Variants in VWA5B1 observed in about 807,000 individuals in gnomAD.
The protein encoded by VWA5B1 is von Willebrand factor A domain containing 5B1, also known as von Willebrand factor A domain-containing protein 5B1.
VWA5B1 carries 115 observed loss-of-function variants against 118.2 expected under a neutral mutation model. That is an observed-to-expected ratio of 0.97 (90% CI 0.84 to 1.14). VWA5B1 has a LOEUF of 1.14. Ranked by LOEUF, VWA5B1 falls within the 50% of genes most tolerant of loss-of-function variation. The pLI, the probability that VWA5B1 is intolerant of heterozygous loss-of-function variation, is 0.00. For synonymous variants in VWA5B1, 682 were observed against 658.4 expected (o/e 1.04, Z -0.55); for missense variants, 1,596 against 1,603.8 (o/e 1.00, Z 0.08).
At chr1:20,318,327 G>T in intron 5 of VWA5B1, 2 of 523,730 alleles carry the variant, frequency 3.8e-6, no homozygotes, top group Non-Finnish European at 6.9e-6. Context: ...ATCAGTGCGT[G>T]CCCTATAAGA....
At chr1:20,300,667 A>AGTTCAGACGGTCTCTATTTCCTGAGCG (rs2088486715) in intron 1 of VWA5B1, among the ~76,000 whole-genome samples, 1 of 152,254 alleles carries the variant, frequency 6.6e-6, no homozygotes, top group African/African-American at 2.4e-5. Context: ...CCTGAGGGTT[A>AGTTCAGACGGTCTCTATTTCCTGAGCG]CTAGAACTAA....
rs60497976 is a variant in VWA5B1, at chr1:20,297,996, A to ATTTTTTTTTTTTTT, written c.-27+6917_-27+6930dup. Among the ~76,000 whole-genome samples the ATTTTTTTTTTTTTT allele has an allele frequency of 8.8e-4, 111 of 126,638 alleles. 1 individual carries two copies. Among genetic ancestry groups the ATTTTTTTTTTTTTT allele is most frequent in the East Asian group, 3.1e-3 (12 of 3,864 alleles). 83.1% of individuals were successfully genotyped at this position (126,638 alleles called of 152,430 possible). A position where few individuals can be genotyped will look rare whatever the true frequency, so the allele number is the denominator to read the frequency against. On this transcript the variant is annotated intron_variant, in intron 1 of 21. Transcript: ENST00000289815. ...GATTACTTTCATGACTCGGTGGTGG[A>ATTTTTTTTTTTTTT]TTTTTTTTTTTTTTTTTTTTTTGTT...
rs1428225242 is a variant in VWA5B1, at chr1:20,356,337, ACT to A, written c.*2079_*2080del. Reference sequence around the variant, plus strand: ...CTTTCTCCTGCTCTGACAGTCCCAGACTCTCTGCCTCTGAGATGTTTCCCTCT... The same window carrying A: ...CTTTCTCCTGCTCTGACAGTCCCAGACTCTGCCTCTGAGATGTTTCCCTCT... On this transcript the variant is annotated 3_prime_UTR_variant, in exon 22 of 22. Transcript: ENST00000289815. Among the ~76,000 whole-genome samples the A allele has an allele frequency of 1.3e-5, 2 of 151,912 alleles. No homozygotes were observed. Among genetic ancestry groups the A allele is most frequent in the South Asian group, 2.1e-4 (1 of 4,798 alleles).
Position 20,346,555 on chromosome 1 carries a change from G to A in VWA5B1, c.2764+962G>A, listed in dbSNP as rs147174213. 6.5e-3 allele frequency among the ~76,000 whole-genome samples: 989 copies of A among 152,286 alleles called. 3 individuals carry two copies. The highest frequency in any genetic ancestry group is 0.01 in the Middle Eastern group (3 of 294). ...AGAAGTAGGATTGCAATGTCAAGGGGATGCCCATTTAAAATTGTGATGTAT... is the reference window on the plus strand; with the variant it reads ...AGAAGTAGGATTGCAATGTCAAGGGAATGCCCATTTAAAATTGTGATGTAT... On this transcript the variant is annotated intron_variant, in intron 17 of 21. Transcript: ENST00000289815.
rs186598536 is a variant in VWA5B1, at chr1:20,337,766, G to C, written c.2063G>C (p.Arg688Pro). ...CCAGCTGCCAAGAGATACCCACTGC[G>C]GAAAGCCAGGCTGCAGGACCTCACC... ...PMPAAKRYPLRKARLQDLTNQ... is the reference protein window; with the variant it reads ...PMPAAKRYPLPKARLQDLTNQ... The change falls in exon 14 of 22, where the codon CGG (arginine) becomes CCG (proline). Residue 688 changes from arginine (R) to proline (P), a missense_variant. Physicochemically the swap from Arg to Pro is moderately radical, Grantham distance 103. Transcript: ENST00000289815. 4 of 1,551,790 alleles carry C rather than the reference G, an allele frequency of 2.6e-6. No homozygotes were observed. In the Admixed American group the frequency reaches 5.9e-5, roughly 23 times the overall value.
In VWA5B1 at chr1:20,310,598, C is replaced by T. The variant is rs140153632; in HGVS notation, c.-4C>T. The T allele has an allele frequency of 5.7e-5, 87 of 1,529,810 alleles. No individual in the cohort carries two copies. Among genetic ancestry groups the T allele is most frequent in the Middle Eastern group, 5.1e-4 (3 of 5,884 alleles). 94.8% of individuals were successfully genotyped at this position (1,529,810 alleles called of 1,614,324 possible). Reference sequence around the variant, plus strand: ...CAGGTTCTGAAGGCTGAGTAGCCAGCGGGATGCCCGGCTTGCTGAATTGGA... The same window carrying T: ...CAGGTTCTGAAGGCTGAGTAGCCAGTGGGATGCCCGGCTTGCTGAATTGGA... On this transcript the variant is annotated 5_prime_UTR_variant, in exon 2 of 22. Transcript: ENST00000289815.
In VWA5B1 at chr1:20,313,671, C is replaced by T. The variant is rs894551461; in HGVS notation, c.293-651C>T. On this transcript the variant is annotated intron_variant, in intron 3 of 21. Transcript: ENST00000289815. ...TAAGAGATTCTTACTACTGGATCTACGATCAAGGTGAAGTTTGTTCACGTG... is the reference window on the plus strand; with the variant it reads ...TAAGAGATTCTTACTACTGGATCTATGATCAAGGTGAAGTTTGTTCACGTG... Among the ~76,000 whole-genome samples the T allele has an allele frequency of 3.8e-4, 58 of 152,350 alleles. 1 individual carries two copies. The highest frequency in any genetic ancestry group is 1.4e-3 in the African/African-American group (57 of 41,582).
Position 20,348,342 on chromosome 1 carries a change from T to C in VWA5B1, c.2862T>C (p.Asp954=). The C allele has an allele frequency of 6.4e-7, 1 of 1,551,602 alleles. No homozygotes were observed. The highest frequency in any genetic ancestry group is 8.7e-7 in the Non-Finnish European group (1 of 1,147,010). The change falls in exon 18 of 22, where the codon GAT becomes GAC. Residue 954 remains aspartate, a synonymous_variant. Transcript: ENST00000289815. The part of the protein sequence containing the change: ...FGRPQTMLGE[D]SAPGNDMEAS... ...GGCCGCAGACGATGCTTGGAGAAGATTCGGCACCAGGAAATGGTAAATTTC... is the reference window on the plus strand; with the variant it reads ...GGCCGCAGACGATGCTTGGAGAAGACTCGGCACCAGGAAATGGTAAATTTC...
chr1:20,335,176 G>A (rs1383788967), intron 12 of VWA5B1, among the ~76,000 whole-genome samples: 4 of 152,158 alleles, frequency 2.6e-5, no homozygotes, highest in Admixed American at 1.3e-4. Context: ...TTAGCCAGAC[G>A]TGGTGGCATA....
chr1:20,310,829 G>T (rs41264521), intron 2 of VWA5B1, 89 bp downstream of exon 2: 689 of 1,416,998 alleles, frequency 4.9e-4, no homozygotes, highest in Non-Finnish European at 6.1e-4. Context: ...CTGACCTTAG[G>T]CAAGTCATGC....
intron 6 of VWA5B1, among the ~76,000 whole-genome samples, 170 bp from the exon 7 acceptor site, chr1:20,319,212 C>CA: frequency 6.6e-6 from 1 of 152,270 alleles, no homozygotes; most frequent in East Asian, 1.9e-4. Context: ...CCCTGCCTCC[C>CA]AGCTAAGGAG....
Position 20,336,437 on chromosome 1 carries a change from G to T in VWA5B1, c.1893G>T (p.Gly631=). The T allele has an allele frequency of 6.7e-7, 1 of 1,502,064 alleles. No individual in the cohort carries two copies. The highest frequency in any genetic ancestry group is 1.4e-5 in the African/African-American group (1 of 71,624). The allele number at this position is 1,502,064 out of a possible 1,614,324, so 93.0% of individuals were successfully genotyped here. Reference sequence around the variant, plus strand: ...ACTCGGGGGCACCCTTCATCCTAGGGCAGGCCAAAAATGCCCGGCTAGCCA... The same window carrying T: ...ACTCGGGGGCACCCTTCATCCTAGGTCAGGCCAAAAATGCCCGGCTAGCCA... The part of the protein sequence containing the change: ...AKNSGAPFIL[G]QAKNARLASG... Residue 631 remains glycine, a synonymous_variant, in exon 13 of 22, where the codon GGG becomes GGT. Transcript: ENST00000289815.
intron 1 of VWA5B1, among the ~76,000 whole-genome samples, chr1:20,308,749 A>G (rs2088748063): frequency 6.6e-6 from 1 of 152,066 alleles, no homozygotes; most frequent in Non-Finnish European, 1.5e-5. Context: ...GGGAGAACAT[A>G]ATTAAAAAGC....
At chr1:20,291,610 C>T (rs905378788) in intron 1 of VWA5B1, among the ~76,000 whole-genome samples, 3 of 152,082 alleles carry the variant, frequency 2.0e-5, no homozygotes, top group Admixed American at 6.5e-5. Flanking sequence ...CATCATCCCT[C>T]ATTTGTCCTC....
rs187524969 is a variant in VWA5B1, at chr1:20,307,600, G to C, written c.-26-2976G>C. Among the ~76,000 whole-genome samples the C allele has an allele frequency of 2.3e-4, 35 of 152,310 alleles. 1 individual carries two copies. The highest frequency in any genetic ancestry group is 8.2e-4 in the African/African-American group (34 of 41,568). On this transcript the variant is annotated intron_variant, in intron 1 of 21. Coordinates refer to ENST00000289815, the MANE Select transcript of VWA5B1 (RefSeq NM_001039500.3). The stretch of plus-strand genomic sequence containing the variant: ...TTAATAAATTCCCGCTGTCATTGCT[G>C]TGACCTTTCCCCACTCCCACATTTC...
intron 8 of VWA5B1, 87 bp downstream of exon 8, chr1:20,323,619 C>G: frequency 7.9e-7 from 1 of 1,258,200 alleles, no homozygotes; most frequent in Non-Finnish European, 1.0e-6. Context: ...TCAGCACTTT[C>G]TGTTCCAAGA....
intron 19 of VWA5B1, among the ~76,000 whole-genome samples, 153 bp from the exon 20 acceptor site, chr1:20,350,704 G>A (rs10916772): frequency 1.3e-5 from 2 of 152,074 alleles, no homozygotes; most frequent in Non-Finnish European, 2.9e-5. Context: ...CAACTGGAGC[G>A]GAAGGAGCTC....
chr1:20,306,254 G>A (rs896846427), intron 1 of VWA5B1, among the ~76,000 whole-genome samples: 1 of 152,058 alleles, frequency 6.6e-6, no homozygotes, highest in Admixed American at 6.5e-5. Flanking sequence ...GAGGGAGCGA[G>A]CCATGAGCAC....
Position 20,342,563 on chromosome 1 carries a change from C to T in VWA5B1, c.2265C>T (p.Ser755=), listed in dbSNP as rs747290336. 3.9e-6 allele frequency: 6 copies of T among 1,531,330 alleles called. No homozygotes were observed. In the South Asian group the frequency reaches 6.2e-5, roughly 16 times the overall value. The allele number at this position is 1,531,330 out of a possible 1,614,324, so 94.9% of individuals were successfully genotyped here. ...GGGGCCAGGAGACCCAGGCCTGGAG[C>T]CCTGTGAGAGAGCGGACTTCTGACA... ...LPWGQETQAW[S]PVRERTSDSR... Residue 755 remains serine, a synonymous_variant, in exon 15 of 22, where the codon AGC becomes AGT. Coordinates refer to ENST00000289815, the MANE Select transcript of VWA5B1 (RefSeq NM_001039500.3).
Sources: gnomAD v4.1 joint callset for allele counts (sites outside exome capture counted in the v4.1 genomes callset) on GRCh38, gnomAD v4.1.1 for gene constraint, MANE v1.5 for transcripts, NCBI Gene and HGNC (gene_info 2026-07-23, HGNC 2026-07-21) for gene names.